The following CYLD variants were observed in gnomAD, a reference collection of about 807,000 sequenced individuals.
CYLD encodes the protein CYLD lysine 63 deubiquitinase, also known as ubiquitin carboxyl-terminal hydrolase CYLD.
A neutral mutation model predicts 104.5 loss-of-function variants in CYLD; 26 were observed. That is an observed-to-expected ratio of 0.25 (90% confidence interval 0.18 to 0.35). The LOEUF is 0.35. Ranked by LOEUF, CYLD falls within the 10% of genes least tolerant of loss-of-function variation. The pLI is 1.00. For missense variants in CYLD, 703 were observed against 1,136.1 expected (o/e 0.62, Z 5.48); for synonymous variants, 385 against 399.9 (o/e 0.96, Z 0.45).
intron 2 of CYLD, among the ~76,000 whole-genome samples, chr16:50,744,436 T>G (rs915539537): frequency 3.3e-5 from 5 of 152,366 alleles, no homozygotes; most frequent in African/African-American, 4.8e-5. Flanking sequence ...ACATGTCTTC[T>G]TTCTTTGGTG....
Position 50,750,086 on chromosome 16 carries a change from C to A in CYLD, c.388C>A (p.Pro130Thr). The stretch of plus-strand genomic sequence containing the variant: ...AGGCCTCCAAATAGACGTGGGCTGT[C>A]CTGTGAAAGTACAGCTGAGATCTGG... ...SKGLQIDVGCPVKVQLRSGEE... is the reference protein window; with the variant it reads ...SKGLQIDVGCTVKVQLRSGEE... Residue 130 changes from proline to threonine, a missense_variant, in exon 3 of 19, where the codon CCT becomes ACT. Physicochemically the swap from Pro to Thr is conservative, Grantham distance 38. Around this residue, in one of 5 missense-constraint regions of CYLD, gnomAD observed 142 missense variants for 165.1 expected, o/e 0.86. Coordinates refer to ENST00000427738, the MANE Select transcript of CYLD (RefSeq NM_001378743.1). The A allele has an allele frequency of 6.2e-7, 1 of 1,614,082 alleles. No homozygotes were observed. Among genetic ancestry groups the A allele is most frequent in the Non-Finnish European group, 8.5e-7 (1 of 1,179,984 alleles).
At chr16:50,767,307 G>A (rs1010141575) in intron 5 of CYLD, among the ~76,000 whole-genome samples, 9 of 152,100 alleles carry the variant, frequency 5.9e-5, no homozygotes, top group Non-Finnish European at 1.2e-4. Context: ...TATTGCACAC[G>A]TAATGGACTA....
chr16:50,747,746 A>G (rs563935767), intron 2 of CYLD, among the ~76,000 whole-genome samples: 1 of 152,338 alleles, frequency 6.6e-6, no homozygotes, highest in African/African-American at 2.4e-5. Flanking sequence ...TTCTTGCTGA[A>G]GTAGACAGTG....
intron 9 of CYLD, 23 bp from the exon 10 acceptor site, chr16:50,781,223 A>G: frequency 6.2e-7 from 1 of 1,613,210 alleles, no homozygotes; most frequent in African/African-American, 1.3e-5. Flanking sequence ...GGTATAATGC[A>G]TATTGAAGCA....
intron 1 of CYLD, 21 bp from the exon 2 acceptor site, chr16:50,742,741 G>T (rs1048216401): frequency 4.3e-5 from 17 of 398,788 alleles, no homozygotes; most frequent in Non-Finnish European, 7.1e-5. Context: ...TGTTAATGGC[G>T]TGTTCTGCTT....
At chr16:50,777,762 TAA>T in intron 7 of CYLD, 61 bp from the exon 8 acceptor site, 1 of 834,612 alleles carries the variant, frequency 1.2e-6, no homozygotes, top group Non-Finnish European at 2.1e-6. Flanking sequence ...TTTCTCTTAC[TAA>T]AAAAAAACTT....
At chr16:50,755,010 T>TAG (rs770671198) in intron 5 of CYLD, among the ~76,000 whole-genome samples, 10 of 11,874 alleles carry the variant, frequency 8.4e-4, no homozygotes, top group South Asian at 1.2e-3. Context: ...TATATACATA[T>TAG]ATATGTATAT....
At chr16:50,749,471 G>GA in intron 2 of CYLD, 105 bp from the exon 3 acceptor site, 1 of 584,416 alleles carries the variant, frequency 1.7e-6, no homozygotes, top group South Asian at 2.2e-5. Context: ...CTGGTCAAAT[G>GA]AAAATTTTAA....
chr16:50,746,575 G>A (rs1966211768), intron 2 of CYLD, among the ~76,000 whole-genome samples: 3 of 152,122 alleles, frequency 2.0e-5, no homozygotes, highest in African/African-American at 7.2e-5. Flanking sequence ...TGTCTAACAT[G>A]ACCCATCCTA....
In CYLD at chr16:50,775,191, T is replaced by C. The variant is rs1395435229; in HGVS notation, c.922+17T>C. 1 of 1,593,618 alleles carries C rather than the reference T, an allele frequency of 6.3e-7. No individual in the cohort carries two copies. Among genetic ancestry groups the C allele is most frequent in the Admixed American group, 1.7e-5 (1 of 59,820 alleles). On this transcript the variant is annotated intron_variant, in intron 6 of 18. Coordinates refer to ENST00000427738, the MANE Select transcript of CYLD (RefSeq NM_001378743.1). ...CTTTATCAGGTATGACTCCTAAGTG[T>C]CGTGTTGGACTCCACGGATGTATTG...
Position 50,751,637 on chromosome 16 carries a change from G to C in CYLD, c.538G>C (p.Val180Leu). The C allele has an allele frequency of 6.2e-7, 1 of 1,613,706 alleles. No homozygotes were observed. Among genetic ancestry groups the C allele is most frequent in the Non-Finnish European group, 8.5e-7 (1 of 1,179,752 alleles). Residue 180 changes from valine (V) to leucine (L), a missense_variant, in exon 4 of 19, where the codon GTG (valine) becomes CTG (leucine). By Grantham distance (32) the Val-to-Leu change is conservative. This residue lies in a region of CYLD where 123 missense variants were observed against 213.3 expected (regional missense o/e 0.58). Coordinates refer to ENST00000427738, the MANE Select transcript of CYLD (RefSeq NM_001378743.1). ...EGRGQGFTDG[V>L]YQGKQLFQCD... ...TCGTGGTCAAGGTTTCACTGACGGG[G>C]TGTACCAAGGGAAACAGCTTTTTCA...
At chr16:50,753,274 A>C (rs1966775385) in intron 4 of CYLD, among the ~76,000 whole-genome samples, 1 of 152,188 alleles carries the variant, frequency 6.6e-6, no homozygotes, top group South Asian at 2.1e-4. Context: ...TTAAATAGTA[A>C]TTCAGTCTTT....
Position 50,749,974 on chromosome 16 carries a change from A to G in CYLD, c.276A>G (p.Ile92Met). The G allele has an allele frequency of 6.2e-7, 1 of 1,614,166 alleles. No individual in the cohort carries two copies. Among genetic ancestry groups the G allele is most frequent in the Non-Finnish European group, 8.5e-7 (1 of 1,180,012 alleles). The part of the protein sequence containing the change: ...LFVDEKDVVE[I>M]NEKFTELLLA... ...TTGATGAAAAGGATGTTGTAGAGAT[A>G]AATGAAAAGTTCACAGAGTTACTTT... Residue 92 changes from isoleucine to methionine, a missense_variant, in exon 3 of 19, where the codon ATA becomes ATG. Physicochemically the swap from Ile to Met is conservative, Grantham distance 10. Transcript: ENST00000427738.
chr16:50,763,316 ATGC>A (rs1968157497), intron 5 of CYLD, among the ~76,000 whole-genome samples: 1 of 152,218 alleles, frequency 6.6e-6, no homozygotes, highest in Non-Finnish European at 1.5e-5. Context: ...AAAATGAATA[ATGC>A]TGCTACAAAC....
chr16:50,796,342 A>G lies in CYLD; in HGVS notation c.2705A>G (p.Asn902Ser). ...GCCATAGGTGGTCAGAATGGCTTCAACATTCCTCAAGTCACCCCATGCCCA... is the reference window on the plus strand; with the variant it reads ...GCCATAGGTGGTCAGAATGGCTTCAGCATTCCTCAAGTCACCCCATGCCCA... ...ADRDGGQNGF[N>S]IPQVTPCPEV... The change falls in exon 19 of 19, where the codon AAC becomes AGC. Residue 902 changes from asparagine to serine, a missense_variant. By Grantham distance (46) the Asn-to-Ser change is conservative (BLOSUM62 1). This residue lies in a region of CYLD where 130 missense variants were observed against 220.2 expected (regional missense o/e 0.59). Coordinates refer to ENST00000427738, the MANE Select transcript of CYLD (RefSeq NM_001378743.1). 6.2e-7 allele frequency: 1 copy of G among 1,614,182 alleles called. No homozygotes were observed. Among genetic ancestry groups the G allele is most frequent in the Non-Finnish European group, 8.5e-7 (1 of 1,180,016 alleles).
intron 12 of CYLD, chr16:50,786,089 G>T (rs1057101259): frequency 5.3e-5 from 8 of 152,182 alleles, no homozygotes; most frequent in Non-Finnish European, 1.5e-5. Flanking sequence ...AAAGAAGAGA[G>T]AAAATGTCAT....
intron 3 of CYLD, among the ~76,000 whole-genome samples, 183 bp from the exon 4 acceptor site, chr16:50,751,421 A>G (rs1234849406): frequency 6.6e-6 from 1 of 152,248 alleles, no homozygotes; most frequent in African/African-American, 2.4e-5. Flanking sequence ...TCAGCATCAG[A>G]TACAACTTCT....
chr16:50,776,380 C>T, intron 7 of CYLD, 103 bp downstream of exon 7: 1 of 849,726 alleles, frequency 1.2e-6, no homozygotes, highest in Middle Eastern at 2.6e-4. Flanking sequence ...TGTATGTAGA[C>T]TTTTTTTCTT....
At chr16:50,764,510 G>C (rs1333394952) in intron 5 of CYLD, among the ~76,000 whole-genome samples, 1 of 152,112 alleles carries the variant, frequency 6.6e-6, no homozygotes, top group Non-Finnish European at 1.5e-5. Context: ...CATCCAAAAT[G>C]TTAATCATTT....
Sources: gnomAD v4.1 joint callset for allele counts (sites outside exome capture counted in the v4.1 genomes callset) on GRCh38, gnomAD v4.1.1 for gene constraint, gnomAD v4.1.1 regional missense constraint, MANE v1.5 for transcripts, NCBI Gene and HGNC (gene_info 2026-07-23, HGNC 2026-07-21) for gene names.